CAMK1D: variants seen among roughly 807,000 people sequenced by gnomAD.
CAMK1D encodes calcium/calmodulin-dependent protein kinase type 1D.
A neutral mutation model predicts 47.7 loss-of-function variants in CAMK1D; 9 were observed. That is an observed-to-expected ratio of 0.19 (90% CI 0.11 to 0.33). The LOEUF (loss-of-function observed/expected upper bound fraction) is 0.33. CAMK1D is among the 10% of genes least tolerant of loss of function. The pLI, the probability that CAMK1D is intolerant of heterozygous loss-of-function variation, is 1.00. For synonymous variants in CAMK1D, 184 were observed against 184.9 expected (o/e 0.99, Z 0.04); for missense variants, 291 against 488.7 (o/e 0.60, Z 3.81).
intron 1 of CAMK1D, among the ~76,000 whole-genome samples, chr10:12,425,673 C>G (rs1315905169): frequency 6.6e-6 from 1 of 152,238 alleles, no homozygotes; most frequent in African/African-American, 2.4e-5. Context: ...TTATCCTGTT[C>G]CTCATCTAGA....
intron 8 of CAMK1D, among the ~76,000 whole-genome samples, chr10:12,817,305 A>G (rs1040195877): frequency 6.6e-6 from 1 of 152,236 alleles, no homozygotes; most frequent in African/African-American, 2.4e-5. Context: ...AGGCATTACA[A>G]TCGGAATTTT....
At chr10:12,654,017 G>A (rs1840051897) in intron 2 of CAMK1D, among the ~76,000 whole-genome samples, 1 of 152,080 alleles carries the variant, frequency 6.6e-6, no homozygotes, top group Middle Eastern at 3.2e-3. Flanking sequence ...TGGTAGGAAA[G>A]AAAAAAGAAA....
chr10:12,722,441 C>T (rs1289720221), intron 3 of CAMK1D, among the ~76,000 whole-genome samples: 26 of 93,632 alleles, frequency 2.8e-4, no homozygotes, highest in African/African-American at 5.5e-4. Flanking sequence ...AGTGAGACTC[C>T]GCCTCAAAAA....
At chr10:12,406,662 G>T (rs1235876964) in intron 1 of CAMK1D, among the ~76,000 whole-genome samples, 1 of 137,206 alleles carries the variant, frequency 7.3e-6, no homozygotes, top group East Asian at 2.4e-4. Context: ...GGCGGAGGTT[G>T]CAGTGAGCCA....
chr10:12,652,963 T>A (rs1428080823), intron 2 of CAMK1D, among the ~76,000 whole-genome samples: 5 of 152,230 alleles, frequency 3.3e-5, no homozygotes, highest in Non-Finnish European at 7.3e-5. Context: ...CTATAACTTA[T>A]AACAAAATAG....
chr10:12,380,674 G>A (rs1838314826), intron 1 of CAMK1D, among the ~76,000 whole-genome samples: 1 of 152,136 alleles, frequency 6.6e-6, no homozygotes. Flanking sequence ...GGCTAACACG[G>A]TGAAACCCCA....
intron 1 of CAMK1D, among the ~76,000 whole-genome samples, chr10:12,357,726 G>A (rs1837558805): frequency 6.6e-6 from 1 of 152,160 alleles, no homozygotes; most frequent in Admixed American, 6.6e-5. Flanking sequence ...TCAATTCCGT[G>A]CTTATTTAGT....
At chr10:12,361,062 G>C (rs574191919) in intron 1 of CAMK1D, among the ~76,000 whole-genome samples, 1 of 152,264 alleles carries the variant, frequency 6.6e-6, no homozygotes, top group East Asian at 1.9e-4. Flanking sequence ...CATATAAGTT[G>C]GGGACATCCT....
At chr10:12,566,238 TA>T (rs1210699366) in intron 2 of CAMK1D, among the ~76,000 whole-genome samples, 1 of 152,140 alleles carries the variant, frequency 6.6e-6, no homozygotes, top group African/African-American at 2.4e-5. Context: ...ACAGCGGGAA[TA>T]GGGGGAAGGT....
intron 1 of CAMK1D, among the ~76,000 whole-genome samples, chr10:12,427,639 A>G (rs1354983690): frequency 7.1e-6 from 1 of 140,000 alleles, no homozygotes; most frequent in Non-Finnish European, 1.5e-5. Flanking sequence ...GGTTTCAAGC[A>G]TTTATTTCTG....
chr10:12,540,458 G>A (rs191710268), intron 1 of CAMK1D, among the ~76,000 whole-genome samples: 8 of 152,088 alleles, frequency 5.3e-5, no homozygotes, highest in Admixed American at 4.6e-4. Flanking sequence ...AGGCACTCAT[G>A]TGGAATTTAT....
intron 2 of CAMK1D, 65 bp downstream of exon 2, chr10:12,553,421 C>T (rs1039387914): frequency 7.2e-7 from 1 of 1,393,870 alleles, no homozygotes; most frequent in South Asian, 1.2e-5. Context: ...TGCAGGAGTC[C>T]TGCCCCGGAG....
Position 12,669,907 on chromosome 10 carries a change from C to A in CAMK1D, c.299+3097C>A, listed in dbSNP as rs1470135042. Among the ~76,000 whole-genome samples the A allele has an allele frequency of 1.3e-5, 2 of 151,588 alleles. 1 individual carries two copies. The highest frequency in any genetic ancestry group is 4.2e-4 in the South Asian group (2 of 4,776). Reference sequence around the variant, plus strand: ...AGTATTCCATTATTTTATGAATATTCCTCATGTTTTAAACTTTTGTATTTA... The same window carrying A: ...AGTATTCCATTATTTTATGAATATTACTCATGTTTTAAACTTTTGTATTTA... On this transcript the variant is annotated intron_variant, in intron 3 of 10. Coordinates refer to ENST00000619168, the MANE Select transcript of CAMK1D (RefSeq NM_153498.4).
Position 12,623,400 on chromosome 10 carries a change from CCTTCCTCCCTCCT to C in CAMK1D, c.225-43335_225-43323del, listed in dbSNP as rs751122155. On this transcript the variant is annotated intron_variant, in intron 2 of 10. Coordinates refer to ENST00000619168, the MANE Select transcript of CAMK1D (RefSeq NM_153498.4). ...TCTTTCCCTCCTTCCTCCCTCCCTC[CCTTCCTCCCTCCT>C]TTCTTTCCTTCCTCCCTCCCTCCCT... Among the ~76,000 whole-genome samples the C allele has an allele frequency of 1.4e-3, 4 of 2,838 alleles. 1 individual carries two copies. The highest frequency in any genetic ancestry group is 3.9e-3 in the Non-Finnish European group (3 of 766). The allele number at this position is 2,838 out of a possible 152,430, so 1.9% of individuals were successfully genotyped here. A position where few individuals can be genotyped will look rare whatever the true frequency, so the allele number is the denominator to read the frequency against.
At chr10:12,573,834 T>TTTTA (rs1171849491) in intron 2 of CAMK1D, among the ~76,000 whole-genome samples, 15 of 99,508 alleles carry the variant, frequency 1.5e-4, no homozygotes, top group African/African-American at 8.6e-4. Flanking sequence ...AAAAAAACTT[T>TTTTA]TTTTTTTTTT....
intron 5 of CAMK1D, among the ~76,000 whole-genome samples, chr10:12,784,177 G>A (rs372395082): frequency 6.6e-6 from 1 of 150,470 alleles, no homozygotes; most frequent in Non-Finnish European, 1.5e-5. Flanking sequence ...TGGTAGACCC[G>A]AACTTCCTTG....
At chr10:12,521,762 C>A (rs895393794) in intron 1 of CAMK1D, among the ~76,000 whole-genome samples, 23 of 152,086 alleles carry the variant, frequency 1.5e-4, no homozygotes, top group African/African-American at 5.6e-4. Flanking sequence ...TTTTGAAGCC[C>A]TGTTTTTAGA....
At chr10:12,422,348 G>T (rs1233462296) in intron 1 of CAMK1D, among the ~76,000 whole-genome samples, 1 of 152,164 alleles carries the variant, frequency 6.6e-6, no homozygotes, top group African/African-American at 2.4e-5. Flanking sequence ...GCCTTTCTCC[G>T]GTTATTCTTG....
intron 1 of CAMK1D, among the ~76,000 whole-genome samples, chr10:12,383,325 C>T (rs1437371139): frequency 6.6e-6 from 1 of 151,802 alleles, no homozygotes; most frequent in Non-Finnish European, 1.5e-5. Context: ...TGGTGAGCAA[C>T]AGAATAAGAA....
Sources: allele counts gnomAD v4.1 joint callset (sites outside exome capture counted in the v4.1 genomes callset), GRCh38; gene constraint gnomAD v4.1.1; transcripts MANE v1.5; gene names NCBI Gene and HGNC (gene_info 2026-07-23, HGNC 2026-07-21).